Variants in PLXDC2 observed in about 807,000 individuals in gnomAD.
The protein encoded by PLXDC2 is plexin domain-containing protein 2.
PLXDC2 carries 40 observed loss-of-function variants against 68.9 expected under a neutral mutation model. The ratio of observed to expected loss-of-function variants is 0.58; its 90% CI spans 0.45 to 0.76. PLXDC2 has a LOEUF of 0.76. Ranked by LOEUF, PLXDC2 falls within the 30% of genes least tolerant of loss-of-function variation. The pLI, the probability that PLXDC2 is intolerant of heterozygous loss-of-function variation, is 0.00. For synonymous variants in PLXDC2, 243 were observed against 234.2 expected, an observed-to-expected ratio of 1.04 and a Z score of -0.34; for missense variants, 644 against 661.9, an observed-to-expected ratio of 0.97 and a Z score of 0.30.
At chr10:19,885,943 G>A (rs1464254402) in intron 1 of PLXDC2, among the ~76,000 whole-genome samples, 5 of 151,790 alleles carry the variant, frequency 3.3e-5, no homozygotes, top group African/African-American at 4.9e-5. Flanking sequence ...ATTACCTTGG[G>A]CAGTATGGCC....
chr10:20,139,967 A>G (rs930686418), intron 4 of PLXDC2, among the ~76,000 whole-genome samples: 4 of 152,196 alleles, frequency 2.6e-5, no homozygotes, highest in South Asian at 2.1e-4. Flanking sequence ...ACAAACCTGC[A>G]CGTTCTGCAC....
At chr10:20,178,160 T>C (rs531776751) in intron 9 of PLXDC2, among the ~76,000 whole-genome samples, 3 of 152,286 alleles carry the variant, frequency 2.0e-5, no homozygotes, top group African/African-American at 7.2e-5. Context: ...AGATTGGAGA[T>C]ATAATCTAAT....
intron 13 of PLXDC2, among the ~76,000 whole-genome samples, chr10:20,257,385 T>A (rs928861905): frequency 6.6e-6 from 1 of 152,188 alleles, no homozygotes; most frequent in Non-Finnish European, 1.5e-5. Flanking sequence ...CTAGAAGGCA[T>A]GTGTGTGCAT....
chr10:20,113,809 T>A (rs137966764), intron 4 of PLXDC2, among the ~76,000 whole-genome samples: 2 of 152,288 alleles, frequency 1.3e-5, no homozygotes, highest in African/African-American at 4.8e-5. Context: ...CTTAATGTGG[T>A]GCTTATCAGA....
chr10:20,228,865 A>T (rs1006896520), intron 12 of PLXDC2, among the ~76,000 whole-genome samples: 3 of 151,958 alleles, frequency 2.0e-5, no homozygotes, highest in Admixed American at 2.0e-4. Context: ...AAGTCAAGTT[A>T]AAAAAAACAC....
chr10:20,227,073 C>T lies in PLXDC2; in HGVS notation c.1312+7971C>T, dbSNP rs138631167. Among the ~76,000 whole-genome samples, 48 of 152,060 alleles carry T rather than the reference C, an allele frequency of 3.2e-4. No individual in the cohort carries two copies. In the East Asian group the frequency reaches 9.1e-3, roughly 29 times the overall value. On this transcript the variant is annotated intron_variant, in intron 12 of 13. Coordinates refer to ENST00000377252, the MANE Select transcript of PLXDC2 (RefSeq NM_032812.9). ...AGTTATTGTAGTAGATGGCCCTATA[C>T]CACTAAAATATGTATGTCACTAAAA...
At chr10:20,134,492 CTGCCTGGGTCCACAGGAGCTAACCTGG>C (rs1177480221) in intron 4 of PLXDC2, among the ~76,000 whole-genome samples, 4 of 152,252 alleles carry the variant, frequency 2.6e-5, no homozygotes, top group East Asian at 3.9e-4. Flanking sequence ...GGTAGGCCTA[CTGCCTGGGTCCACAGGAGCTAACCTGG>C]TGCCTGGGTC....
intron 9 of PLXDC2, among the ~76,000 whole-genome samples, chr10:20,190,859 G>A (rs932004762): frequency 4.7e-4 from 72 of 151,694 alleles, no homozygotes; most frequent in African/African-American, 1.5e-3. Context: ...TTGATGTTTC[G>A]CTTCCATTAA....
chr10:20,275,214 G>C (rs1455408379), intron 13 of PLXDC2, among the ~76,000 whole-genome samples: 1 of 151,928 alleles, frequency 6.6e-6, no homozygotes, highest in African/African-American at 2.4e-5. Flanking sequence ...TTTTCTACTG[G>C]CTCCTGGAGG....
intron 2 of PLXDC2, among the ~76,000 whole-genome samples, chr10:20,013,299 TTTAA>T (rs1223278204): frequency 6.6e-6 from 1 of 152,204 alleles, no homozygotes; most frequent in Non-Finnish European, 1.5e-5. Context: ...CAAAGAAAAC[TTTAA>T]TTAATATTGT....
At chr10:20,129,199 T>C (rs1434055340) in intron 4 of PLXDC2, among the ~76,000 whole-genome samples, 1 of 152,216 alleles carries the variant, frequency 6.6e-6, no homozygotes, top group Admixed American at 6.5e-5. Flanking sequence ...TATTTTATTC[T>C]GGTTTTTATT....
chr10:20,000,275 T>TTG lies in PLXDC2; in HGVS notation c.113-1499_113-1498insGT, dbSNP rs375114389. On this transcript the variant is annotated intron_variant, in intron 1 of 13. Transcript: ENST00000377252. ...AGCCCTTTATGTACATGAGTTTTTT[T>TTG]TTTTGTTTTGTTTTGTTTTTTTAGC... Among the ~76,000 whole-genome samples the TTG allele has an allele frequency of 6.4e-3, 967 of 151,906 alleles. 8 individuals carry two copies. The highest frequency in any genetic ancestry group is 8.4e-3 in the East Asian group (43 of 5,144).
chr10:20,002,061 A>G (rs1834951263), intron 2 of PLXDC2, 75 bp downstream of exon 2: 2 of 1,400,224 alleles, frequency 1.4e-6, no homozygotes, highest in Admixed American at 2.2e-5. Flanking sequence ...TTATATAGAC[A>G]TAAGTTGTCT....
intron 4 of PLXDC2, among the ~76,000 whole-genome samples, chr10:20,106,069 C>T (rs1340498622): frequency 6.6e-6 from 1 of 152,132 alleles, no homozygotes; most frequent in Non-Finnish European, 1.5e-5. Context: ...GAATTCTTGC[C>T]TCTAAGTAGT....
rs200656593 is a variant in PLXDC2 at position 19,987,726 on chromosome 10, T to TA, written c.113-14048dup. ...ATAGGCGCCCGCCACCACCCCCGGC[T>TA]ATTTTTTTTTTGTATTTTTAGTAGA... On this transcript the variant is annotated intron_variant, in intron 1 of 13. Coordinates refer to ENST00000377252, the MANE Select transcript of PLXDC2 (RefSeq NM_032812.9). Among the ~76,000 whole-genome samples the TA allele has an allele frequency of 1.0e-2, 1,505 of 151,224 alleles. 24 individuals are homozygous for TA. The highest frequency in any genetic ancestry group is 0.031 in the African/African-American group (1,271 of 41,198).
At chr10:19,843,539 C>T (rs1836945032) in intron 1 of PLXDC2, among the ~76,000 whole-genome samples, 1 of 151,722 alleles carries the variant, frequency 6.6e-6, no homozygotes, top group South Asian at 2.1e-4. Context: ...GAGAAATGTA[C>T]AGGAAAAATA....
intron 12 of PLXDC2, among the ~76,000 whole-genome samples, chr10:20,224,226 G>A (rs1208571053): frequency 1.1e-4 from 17 of 152,056 alleles, no homozygotes; most frequent in African/African-American, 2.7e-4. Flanking sequence ...CACCCATCTC[G>A]GCCTCCCAAA....
intron 2 of PLXDC2, among the ~76,000 whole-genome samples, chr10:20,045,263 CAG>C (rs1240854849): frequency 6.6e-6 from 1 of 152,142 alleles, no homozygotes; most frequent in Non-Finnish European, 1.5e-5. Context: ...CCTCTGCCTG[CAG>C]AGTTAAGCAG....
intron 4 of PLXDC2, among the ~76,000 whole-genome samples, chr10:20,108,006 C>A (rs147387953): frequency 2.0e-5 from 3 of 152,266 alleles, no homozygotes; most frequent in East Asian, 1.9e-4. Context: ...TTGTGCAATT[C>A]TTTTTATTAG....
Sources: allele counts gnomAD v4.1 joint callset (sites outside exome capture counted in the v4.1 genomes callset), GRCh38; gene constraint gnomAD v4.1.1; transcripts MANE v1.5; gene names NCBI Gene and HGNC (gene_info 2026-07-23, HGNC 2026-07-21).